The following LHPP variants were observed in gnomAD, a reference collection of about 807,000 sequenced individuals.
The protein encoded by LHPP is phospholysine phosphohistidine inorganic pyrophosphate phosphatase, also known as hLHPP.
Under a neutral mutation model 30.3 loss-of-function variants are expected in LHPP, and 24 were observed. That is an observed-to-expected ratio of 0.79 (90% confidence interval 0.57 to 1.11). LHPP has a LOEUF of 1.11. LHPP is among the 50% of genes most tolerant of loss of function. LHPP has a pLI of 0.00. For missense variants in LHPP, 356 were observed against 367.2 expected (o/e 0.97, Z 0.25); for synonymous variants, 150 against 157.1 (o/e 0.95, Z 0.34).
In LHPP at chr10:124,484,147, G is replaced by A. The variant is rs202090877; in HGVS notation, c.134G>A (p.Arg45His). 35 of 1,613,856 alleles carry A rather than the reference G, an allele frequency of 2.2e-5. No homozygotes were observed. Among genetic ancestry groups the A allele is most frequent in the Middle Eastern group, 1.7e-4 (1 of 5,998 alleles). ...GSVEAVARLKRSRLKVRFCTN... is the reference protein window; with the variant it reads ...GSVEAVARLKHSRLKVRFCTN... Reference sequence around the variant, plus strand: ...TGTCTCCCCTGCCGCAGACTGAAGCGTTCCCGGCTGAAGGTGAGGTTCTGC... The same window carrying A: ...TGTCTCCCCTGCCGCAGACTGAAGCATTCCCGGCTGAAGGTGAGGTTCTGC... Residue 45 changes from arginine (R) to histidine (H), a missense_variant, in exon 2 of 7, where the codon CGT becomes CAT. Coordinates refer to ENST00000368842, the MANE Select transcript of LHPP (RefSeq NM_022126.4).
intron 6 of LHPP, among the ~76,000 whole-genome samples, chr10:124,533,315 C>T (rs924203636): frequency 1.3e-5 from 2 of 152,246 alleles, no homozygotes; most frequent in Non-Finnish European, 2.9e-5. Context: ...ATGCACCCCC[C>T]AGAGCGGCTT....
intron 5 of LHPP, among the ~76,000 whole-genome samples, chr10:124,500,840 G>A (rs1031979092): frequency 1.3e-5 from 2 of 152,012 alleles, no homozygotes; most frequent in Non-Finnish European, 2.9e-5. Context: ...AAGCCACTTG[G>A]TGGTTCCTCA....
intron 5 of LHPP, among the ~76,000 whole-genome samples, chr10:124,515,994 C>CCTG (rs754918164): frequency 0.097 from 14,706 of 152,286 alleles, 1,037 homozygotes; most frequent in South Asian, 0.31. Context: ...GTCCTGTGGA[C>CCTG]TCTGCTCCTG....
At chr10:124,554,562 C>T (rs982843654) in intron 6 of LHPP, among the ~76,000 whole-genome samples, 6 of 152,184 alleles carry the variant, frequency 3.9e-5, no homozygotes, top group African/African-American at 1.2e-4. Flanking sequence ...GCCTAGTGCC[C>T]GGTGCAGAGC....
intron 5 of LHPP, among the ~76,000 whole-genome samples, chr10:124,511,991 G>A (rs960891608): frequency 6.6e-6 from 1 of 150,896 alleles, no homozygotes; most frequent in Non-Finnish European, 1.5e-5. Context: ...TCCTCTGGGA[G>A]GCCTTTCCTG....
chr10:124,483,811 G>T, intron 1 of LHPP, among the ~76,000 whole-genome samples: 1 of 150,450 alleles, frequency 6.6e-6, no homozygotes, highest in South Asian at 2.1e-4. Flanking sequence ...GAGGCGGGGG[G>T]ACAGAGTTGC....
intron 6 of LHPP, among the ~76,000 whole-genome samples, chr10:124,569,732 CAG>C (rs1272044303): frequency 6.6e-6 from 1 of 152,212 alleles, no homozygotes; most frequent in Non-Finnish European, 1.5e-5. Flanking sequence ...TGAAGGGAAA[CAG>C]ACCTGTAAGG....
chr10:124,512,289 C>G lies in LHPP; in HGVS notation c.625-4891C>G, dbSNP rs145229826. On this transcript the variant is annotated intron_variant, in intron 5 of 6. Transcript: ENST00000368842. The stretch of plus-strand genomic sequence containing the variant: ...GATGTGGTGAGATAGGGAATTTCCT[C>G]AACGAAACATTTCCTCATGTTTCTG... Among the ~76,000 whole-genome samples, 1,222 of 152,274 alleles carry G rather than the reference C, an allele frequency of 8.0e-3. 13 individuals are homozygous for G. The highest frequency in any genetic ancestry group is 0.028 in the African/African-American group (1,182 of 41,556).
chr10:124,564,685 TA>T (rs1203615896), intron 6 of LHPP, among the ~76,000 whole-genome samples: 4 of 152,110 alleles, frequency 2.6e-5, no homozygotes, highest in African/African-American at 9.7e-5. Context: ...GACGGATGTG[TA>T]AGGAGGCAGT....
In LHPP at chr10:124,497,004, C is replaced by T; in HGVS notation, c.511C>T (p.Pro171Ser). 6.2e-7 allele frequency: 1 copy of T among 1,614,052 alleles called. No homozygotes were observed. Among genetic ancestry groups the T allele is most frequent in the Non-Finnish European group, 8.5e-7 (1 of 1,179,922 alleles). Residue 171 changes from proline (P) to serine (S), a missense_variant, in exon 4 of 7, where the codon CCC becomes TCC. Transcript: ENST00000368842. ...ETSGLMLDVG[P>S]YMKALEYACG... ...CTCTGGCCTGATGCTGGACGTTGGT[C>T]CCTACATGAAGGCGCTTGAGGTACC...
chr10:124,512,119 C>T (rs780385978), intron 5 of LHPP, among the ~76,000 whole-genome samples: 2 of 152,170 alleles, frequency 1.3e-5, no homozygotes, highest in African/African-American at 2.4e-5. Context: ...TAGCACTTGT[C>T]GTGAGCTCCG....
rs947451155 is a variant in LHPP, at chr10:124,543,001, A to G, written c.716+25730A>G. 1.8e-4 allele frequency among the ~76,000 whole-genome samples: 27 copies of G among 152,240 alleles called. 1 individual carries two copies. The highest frequency in any genetic ancestry group is 3.7e-4 in the Non-Finnish European group (25 of 68,006). On this transcript the variant is annotated intron_variant, in intron 6 of 6. Coordinates refer to ENST00000368842, the MANE Select transcript of LHPP (RefSeq NM_022126.4). ...GTTGAGTGTCTGTCGTTGCCCCTGC[A>G]CTGCGTGTGCCCTGTGAGTGGGGGC...
At chr10:124,567,834 C>T (rs375209717) in intron 6 of LHPP, among the ~76,000 whole-genome samples, 5 of 152,280 alleles carry the variant, frequency 3.3e-5, no homozygotes, top group African/African-American at 7.2e-5. Flanking sequence ...CGTGCACACA[C>T]GAGTGCACAG....
chr10:124,515,590 C>T (rs1387951101), intron 5 of LHPP, among the ~76,000 whole-genome samples: 5 of 152,248 alleles, frequency 3.3e-5, no homozygotes, highest in Admixed American at 2.6e-4. Flanking sequence ...TTTTTGTGTG[C>T]CCATAAAGAA....
At chr10:124,464,527 C>A (rs1039181194) in intron 1 of LHPP, among the ~76,000 whole-genome samples, 2 of 152,166 alleles carry the variant, frequency 1.3e-5, no homozygotes, top group Non-Finnish European at 2.9e-5. Flanking sequence ...TAGGACACTC[C>A]GCTGGGTCCT....
At chr10:124,608,693 C>T (rs1002949853) in intron 6 of LHPP, among the ~76,000 whole-genome samples, 9 of 105,064 alleles carry the variant, frequency 8.6e-5, no homozygotes, top group South Asian at 6.7e-4. Context: ...CTCAGAGGGA[C>T]CCCCACCCCA....
At chr10:124,611,087 G>A (rs755753631) in intron 6 of LHPP, among the ~76,000 whole-genome samples, 2 of 151,966 alleles carry the variant, frequency 1.3e-5, no homozygotes, top group Admixed American at 6.5e-5. Context: ...GGTCCCCCAG[G>A]CTCCTACTTT....
At chr10:124,566,336 C>T (rs753106145) in intron 6 of LHPP, among the ~76,000 whole-genome samples, 11 of 152,214 alleles carry the variant, frequency 7.2e-5, no homozygotes, top group Non-Finnish European at 1.3e-4. Flanking sequence ...ACTCTGCTTA[C>T]TTGTCCCCTG....
intron 5 of LHPP, among the ~76,000 whole-genome samples, chr10:124,504,680 G>A (rs577146282): frequency 6.6e-6 from 1 of 152,048 alleles, no homozygotes; most frequent in African/African-American, 2.4e-5. Context: ...GAGAGGGGAG[G>A]AGACGAGACT....
Sources: allele counts gnomAD v4.1 joint callset (sites outside exome capture counted in the v4.1 genomes callset), GRCh38; gene constraint gnomAD v4.1.1; transcripts MANE v1.5; gene names NCBI Gene and HGNC (gene_info 2026-07-23, HGNC 2026-07-21).